FGD4: variants seen among roughly 807,000 people sequenced by gnomAD.
FGD4 encodes the protein FYVE, RhoGEF and PH domain-containing protein 4.
In FGD4, 42 loss-of-function variants were observed where a neutral mutation model predicts 102.0. The observed-to-expected ratio is 0.41, with a 90% confidence interval of 0.32 to 0.53. The LOEUF (loss-of-function observed/expected upper bound fraction) is 0.53. Ranked by LOEUF, FGD4 falls within the 20% of genes least tolerant of loss-of-function variation. The pLI, the probability that FGD4 is intolerant of heterozygous loss-of-function variation, is 0.21. For synonymous variants in FGD4, 380 were observed against 375.7 expected (o/e 1.01, Z -0.13); for missense variants, 902 against 1,078.2 (o/e 0.84, Z 2.29).
At chr12:32,624,483 T>C in intron 12 of FGD4, 31 bp downstream of exon 12, 1 of 949,002 alleles carries the variant, frequency 1.1e-6, no homozygotes, top group Non-Finnish European at 1.4e-6. Context: ...CTTTTCTTTC[T>C]TTTTTTTTTT....
chr12:32,521,594 A>G (rs542090187), intron 1 of FGD4, among the ~76,000 whole-genome samples: 1 of 152,342 alleles, frequency 6.6e-6, no homozygotes, highest in Non-Finnish European at 1.5e-5. Context: ...ATTGAGTCCC[A>G]TATGGGGCTC....
chr12:32,498,705 G>A (rs1937976798), intron 1 of FGD4, among the ~76,000 whole-genome samples: 1 of 152,138 alleles, frequency 6.6e-6, no homozygotes, highest in South Asian at 2.1e-4. Context: ...CTGGGTTCAA[G>A]CGATTCTCCC....
intron 1 of FGD4, among the ~76,000 whole-genome samples, chr12:32,475,099 G>A (rs544770741): frequency 6.6e-6 from 1 of 152,250 alleles, no homozygotes; most frequent in South Asian, 2.1e-4. Flanking sequence ...CTATATCCTT[G>A]TTGAGGAACT....
chr12:32,438,067 G>C (rs1289373604), intron 1 of FGD4, among the ~76,000 whole-genome samples: 3 of 152,154 alleles, frequency 2.0e-5, no homozygotes, highest in Non-Finnish European at 2.9e-5. Context: ...AATTTCTATA[G>C]TTTTAGTAGA....
chr12:32,485,215 C>T (rs1943860203), intron 1 of FGD4, among the ~76,000 whole-genome samples: 1 of 152,162 alleles, frequency 6.6e-6, no homozygotes, highest in African/African-American at 2.4e-5. Context: ...GCCTATCAAT[C>T]AGTGCCTTCC....
At chr12:32,599,386 C>G (rs1321946001) in intron 5 of FGD4, among the ~76,000 whole-genome samples, 2 of 137,182 alleles carry the variant, frequency 1.5e-5, no homozygotes, top group Admixed American at 1.5e-4. Flanking sequence ...CCCAGCTACT[C>G]GGGAGGCTGA....
chr12:32,518,832 G>GA (rs1940183510), intron 1 of FGD4, among the ~76,000 whole-genome samples: 1 of 150,608 alleles, frequency 6.6e-6, no homozygotes. Flanking sequence ...AAAAAAACAA[G>GA]GGCCAGGCAC....
chr12:32,447,544 GTA>G (rs1352301609), intron 1 of FGD4, among the ~76,000 whole-genome samples: 9 of 152,088 alleles, frequency 5.9e-5, no homozygotes, highest in Non-Finnish European at 1.2e-4. Flanking sequence ...AATATTTACA[GTA>G]TCATGTTGTA....
chr12:32,501,228 A>G (rs2133944), intron 1 of FGD4, among the ~76,000 whole-genome samples: 29,586 of 152,184 alleles, frequency 0.19, 3,394 homozygotes, highest in Middle Eastern at 0.37. Context: ...ATTTTTAAAA[A>G]AATTTTCTGT....
chr12:32,587,431 G>T (rs981615448), intron 4 of FGD4, among the ~76,000 whole-genome samples: 4 of 151,828 alleles, frequency 2.6e-5, no homozygotes, highest in South Asian at 2.1e-4. Context: ...TGCCCAGGCT[G>T]CCAGGCTGGA....
intron 1 of FGD4, among the ~76,000 whole-genome samples, chr12:32,435,248 C>T (rs1230578208): frequency 1.3e-5 from 2 of 152,152 alleles, no homozygotes; most frequent in Non-Finnish European, 2.9e-5. Context: ...TGCCTGGCCA[C>T]TTCATTTCTT....
At chr12:32,563,654 G>A (rs1395324121) in intron 1 of FGD4, among the ~76,000 whole-genome samples, 30 of 152,162 alleles carry the variant, frequency 2.0e-4, no homozygotes. Context: ...GCAGGCGGCT[G>A]GGAGGTGGAG....
chr12:32,400,003 G>A (rs1385823331), intron 1 of FGD4, 44 bp downstream of exon 1: 2 of 1,421,938 alleles, frequency 1.4e-6, no homozygotes, highest in Non-Finnish European at 1.8e-6. Context: ...CCGGCGCGTA[G>A]GTGCGGGTGA....
chr12:32,572,139 A>T (rs1298079248), intron 2 of FGD4, among the ~76,000 whole-genome samples: 1 of 152,192 alleles, frequency 6.6e-6, no homozygotes, highest in East Asian at 1.9e-4. Context: ...AATAGAAAAG[A>T]AAATGAACCT....
intron 7 of FGD4, among the ~76,000 whole-genome samples, chr12:32,607,573 G>A (rs1232507173): frequency 4.6e-5 from 7 of 152,164 alleles, no homozygotes; most frequent in African/African-American, 1.4e-4. Context: ...TAAGTGGCAC[G>A]ATCTTGGCTC....
intron 1 of FGD4, among the ~76,000 whole-genome samples, chr12:32,548,136 C>T (rs895184400): frequency 6.6e-6 from 1 of 152,202 alleles, no homozygotes; most frequent in African/African-American, 2.4e-5. Context: ...ACAGAGTTGA[C>T]TTGGTGTCCA....
intron 1 of FGD4, among the ~76,000 whole-genome samples, chr12:32,441,972 T>A (rs1160984041): frequency 6.6e-6 from 1 of 152,000 alleles, no homozygotes; most frequent in Non-Finnish European, 1.5e-5. Context: ...TGTCCAGAGA[T>A]GCTCTTCACG....
intron 5 of FGD4, among the ~76,000 whole-genome samples, chr12:32,600,128 A>G (rs900138503): frequency 3.3e-5 from 5 of 152,346 alleles, no homozygotes; most frequent in African/African-American, 1.2e-4. Flanking sequence ...TGGGTCACAT[A>G]TTCATTTTTG....
At chr12:32,443,390 A>G (rs1942507524) in intron 1 of FGD4, among the ~76,000 whole-genome samples, 1 of 152,046 alleles carries the variant, frequency 6.6e-6, no homozygotes, top group Non-Finnish European at 1.5e-5. Flanking sequence ...TCATTCTGTC[A>G]CCTGGGCTAG....
Sources: allele counts gnomAD v4.1 joint callset (sites outside exome capture counted in the v4.1 genomes callset), GRCh38; gene constraint gnomAD v4.1.1; transcripts MANE v1.5; gene names NCBI Gene and HGNC (gene_info 2026-07-23, HGNC 2026-07-21).